The following SDK1 variants were observed in gnomAD, a reference collection of about 807,000 sequenced individuals.
SDK1 encodes protein sidekick-1.
Under a neutral mutation model 245.5 loss-of-function variants are expected in SDK1, and 157 were observed. The observed-to-expected ratio is 0.64, with a 90% confidence interval of 0.56 to 0.73. The LOEUF (loss-of-function observed/expected upper bound fraction) is 0.73. SDK1 is among the 30% of genes least tolerant of loss of function. The pLI, the probability that SDK1 is intolerant of heterozygous loss-of-function variation, is 0.00. For synonymous variants in SDK1, 1,647 were observed against 1,278.5 expected (o/e 1.29, Z -6.15); for missense variants, 3,583 against 3,002.3 (o/e 1.19, Z -4.52).
chr7:4,250,001 C>T (rs1787186456), intron 44 of SDK1, among the ~76,000 whole-genome samples: 1 of 152,166 alleles, frequency 6.6e-6, no homozygotes, highest in Non-Finnish European at 1.5e-5. Context: ...CCCAAAACAC[C>T]CTGTACCGAT....
chr7:4,008,279 AT>A (rs796189927), intron 14 of SDK1, among the ~76,000 whole-genome samples: 15 of 152,372 alleles, frequency 9.8e-5, no homozygotes, highest in African/African-American at 3.6e-4. Flanking sequence ...TTGTTTACCC[AT>A]TCATCCATCG....
intron 5 of SDK1, among the ~76,000 whole-genome samples, chr7:3,888,706 T>G (rs1268793664): frequency 6.6e-6 from 1 of 152,212 alleles, no homozygotes; most frequent in Non-Finnish European, 1.5e-5. Flanking sequence ...AGAAGGAGAT[T>G]TCATTTTTAA....
rs1306091791 is a variant in SDK1, at chr7:3,707,207, C to G, written c.713+65102C>G. Among the ~76,000 whole-genome samples, 10 of 152,274 alleles carry G rather than the reference C, an allele frequency of 6.6e-5. No homozygotes were observed. In the East Asian group the frequency reaches 1.7e-3, roughly 26 times the overall value. On this transcript the variant is annotated intron_variant, in intron 4 of 44. Transcript: ENST00000404826. The stretch of plus-strand genomic sequence containing the variant: ...GGCACTTTATGCTATAAACTTTTCT[C>G]TTAGCATTGCTTTTGCTGTATCCAA...
chr7:3,769,825 C>G (rs113357749), intron 4 of SDK1, among the ~76,000 whole-genome samples: 1,602 of 151,984 alleles, frequency 0.011, 26 homozygotes, highest in African/African-American at 0.037. Flanking sequence ...CGATCTTCCT[C>G]CAGTCCTGGG....
At chr7:3,426,203 G>A (rs1345910978) in intron 1 of SDK1, among the ~76,000 whole-genome samples, 1 of 152,192 alleles carries the variant, frequency 6.6e-6, no homozygotes, top group Non-Finnish European at 1.5e-5. Flanking sequence ...GGCAGTGCTG[G>A]TCCTGTAGTG....
intron 5 of SDK1, among the ~76,000 whole-genome samples, chr7:3,920,134 G>A (rs969035610): frequency 6.6e-5 from 10 of 152,222 alleles, no homozygotes; most frequent in Non-Finnish European, 1.5e-4. Context: ...CCACCGGGTC[G>A]TGTCCGGGAA....
At chr7:3,937,622 A>T (rs1040218719) in intron 5 of SDK1, among the ~76,000 whole-genome samples, 3 of 152,058 alleles carry the variant, frequency 2.0e-5, no homozygotes, top group African/African-American at 7.2e-5. Flanking sequence ...GCAGCCTCTC[A>T]ATGTTTTGTG....
chr7:3,406,378 C>G (rs1221656393), intron 1 of SDK1, among the ~76,000 whole-genome samples: 1 of 152,126 alleles, frequency 6.6e-6, no homozygotes, highest in African/African-American at 2.4e-5. Flanking sequence ...AAATGTGTTT[C>G]TTTCTGTGGA....
At chr7:3,697,095 C>G (rs564897120) in intron 4 of SDK1, among the ~76,000 whole-genome samples, 1 of 152,206 alleles carries the variant, frequency 6.6e-6, no homozygotes, top group African/African-American at 2.4e-5. Flanking sequence ...GATTTTCCTT[C>G]TCTCGCCATT....
intron 4 of SDK1, among the ~76,000 whole-genome samples, chr7:3,802,210 A>G (rs943694283): frequency 4.6e-5 from 7 of 152,134 alleles, no homozygotes; most frequent in Non-Finnish European, 1.0e-4. Context: ...CTACATGTGC[A>G]GATGTGTGTA....
intron 2 of SDK1, among the ~76,000 whole-genome samples, chr7:3,631,323 C>G (rs1782281657): frequency 6.6e-6 from 1 of 152,180 alleles, no homozygotes; most frequent in Non-Finnish European, 1.5e-5. Context: ...ATTGAGAACT[C>G]TTTTCTCAGT....
At chr7:4,127,910 G>A (rs765132666) in intron 26 of SDK1, among the ~76,000 whole-genome samples, 46 of 152,170 alleles carry the variant, frequency 3.0e-4, no homozygotes, top group African/African-American at 8.9e-4. Context: ...TACACAGCAC[G>A]CCTTGCTCAT....
At chr7:3,531,398 A>G (rs1783339498) in intron 1 of SDK1, among the ~76,000 whole-genome samples, 2 of 152,330 alleles carry the variant, frequency 1.3e-5, no homozygotes, top group South Asian at 4.1e-4. Context: ...AAAAATAAGC[A>G]TTTGAAAATT....
chr7:3,832,889 G>A (rs1368253468), intron 5 of SDK1, among the ~76,000 whole-genome samples: 8 of 152,028 alleles, frequency 5.3e-5, no homozygotes, highest in Admixed American at 4.6e-4. Context: ...GAGGGTCTTA[G>A]GAAAGTATAA....
chr7:3,702,740 T>C lies in SDK1; in HGVS notation c.713+60635T>C, dbSNP rs1303116378. On this transcript the variant is annotated intron_variant, in intron 4 of 44. Transcript: ENST00000404826. ...GTTTATTGTTTCACTTGTCATTGAC[T>C]AGAAAATAAATTAGAAAGATGGTTC... is the stretch of plus-strand genomic sequence containing the variant. Among the ~76,000 whole-genome samples the C allele has an allele frequency of 2.0e-5, 3 of 152,174 alleles. No individual in the cohort carries two copies. In the East Asian group the frequency reaches 5.8e-4, roughly 29 times the overall value.
chr7:3,902,408 G>T (rs1583535419), intron 5 of SDK1, among the ~76,000 whole-genome samples: 1 of 152,116 alleles, frequency 6.6e-6, no homozygotes, highest in Non-Finnish European at 1.5e-5. Context: ...TTGCTATACC[G>T]ATACTACTGC....
intron 1 of SDK1, among the ~76,000 whole-genome samples, chr7:3,331,136 C>A (rs565608996): frequency 6.6e-6 from 1 of 151,868 alleles, no homozygotes; most frequent in South Asian, 2.1e-4. Flanking sequence ...TGGTGGTGTG[C>A]GCCTGTAATC....
At chr7:4,176,297 G>A (rs547493207) in intron 34 of SDK1, among the ~76,000 whole-genome samples, 6 of 152,048 alleles carry the variant, frequency 3.9e-5, no homozygotes, top group Admixed American at 2.0e-4. Flanking sequence ...AAGTAGCTGG[G>A]ACTATAGGCT....
intron 1 of SDK1, among the ~76,000 whole-genome samples, chr7:3,371,572 G>A (rs1039932270): frequency 6.6e-6 from 1 of 152,124 alleles, no homozygotes; most frequent in Non-Finnish European, 1.5e-5. Flanking sequence ...AAGAATGCGA[G>A]GAAACCAAAA....
Sources: allele counts gnomAD v4.1 joint callset (sites outside exome capture counted in the v4.1 genomes callset), GRCh38; gene constraint gnomAD v4.1.1; transcripts MANE v1.5; gene names NCBI Gene and HGNC (gene_info 2026-07-23, HGNC 2026-07-21).